The following MSRA variants were observed in gnomAD, a reference collection of about 807,000 sequenced individuals.
The protein encoded by MSRA is mitochondrial peptide methionine sulfoxide reductase.
In MSRA, 54 loss-of-function variants were observed where a neutral mutation model predicts 31.3. The observed-to-expected ratio is 1.73, with a 90% CI of 1.39 to 2.17. The LOEUF is 2.17. Ranked by LOEUF, MSRA falls within the 30% of genes most tolerant of loss-of-function variation. The pLI is 0.00. For synonymous variants in MSRA, 169 were observed against 116.5 expected, an observed-to-expected ratio of 1.45 and a Z score of -2.90; for missense variants, 507 against 300.9, an observed-to-expected ratio of 1.69 and a Z score of -5.07.
intron 2 of MSRA, among the ~76,000 whole-genome samples, chr8:10,225,657 T>C (rs1810935089): frequency 6.6e-6 from 1 of 152,220 alleles, no homozygotes; most frequent in Non-Finnish European, 1.5e-5. Context: ...TTCTTTGGGC[T>C]TTAGCTGTTG....
chr8:10,122,593 G>C (rs765015278), intron 1 of MSRA, among the ~76,000 whole-genome samples: 13 of 151,534 alleles, frequency 8.6e-5, no homozygotes, highest in Non-Finnish European at 1.9e-4. Context: ...GGGTAAACTT[G>C]TGTCACGGGG....
chr8:10,278,625 G>C (rs527774806), intron 3 of MSRA, among the ~76,000 whole-genome samples: 2 of 152,192 alleles, frequency 1.3e-5, no homozygotes, highest in Non-Finnish European at 2.9e-5. Flanking sequence ...ACATTCTTGG[G>C]AGACCTCACC....
intron 1 of MSRA, among the ~76,000 whole-genome samples, chr8:10,148,219 T>A (rs1435453958): frequency 6.6e-6 from 1 of 152,174 alleles, no homozygotes; most frequent in Non-Finnish European, 1.5e-5. Flanking sequence ...TCTTAACTAA[T>A]GTGATCCATT....
At chr8:10,423,032 C>T (rs1027343118) in intron 5 of MSRA, among the ~76,000 whole-genome samples, 1 of 152,210 alleles carries the variant, frequency 6.6e-6, no homozygotes, top group Non-Finnish European at 1.5e-5. Context: ...ATCCCACTGT[C>T]ACGGGTGCAG....
At chr8:10,361,519 G>A (rs1047811912) in intron 5 of MSRA, among the ~76,000 whole-genome samples, 2 of 152,048 alleles carry the variant, frequency 1.3e-5, no homozygotes, top group South Asian at 2.1e-4. Context: ...TACGTCCTGG[G>A]TTTTAGGGGT....
At chr8:10,300,123 TTTG>T (rs1347489023) in intron 3 of MSRA, among the ~76,000 whole-genome samples, 1 of 121,504 alleles carries the variant, frequency 8.2e-6, no homozygotes, top group African/African-American at 3.7e-5. Flanking sequence ...GTGGAAGAAA[TTTG>T]TGTGTGTGTG....
At chr8:10,252,946 C>T (rs755096090) in intron 3 of MSRA, among the ~76,000 whole-genome samples, 3 of 152,128 alleles carry the variant, frequency 2.0e-5, no homozygotes, top group Non-Finnish European at 4.4e-5. Flanking sequence ...CTCATACTCA[C>T]GTAGGTATGA....
In MSRA at chr8:10,163,611, TGCAA is replaced by T. The variant is rs367730893; in HGVS notation, c.143-44220_143-44217del. On this transcript the variant is annotated intron_variant, in intron 1 of 5. Coordinates refer to ENST00000317173, the MANE Select transcript of MSRA (RefSeq NM_012331.5). ...ATAAAGCCAGCACATGTCTGGAAGA[TGCAA>T]GATGAAATGTGAAATCAGTATGGCA... 4.6e-3 allele frequency among the ~76,000 whole-genome samples: 701 copies of T among 152,342 alleles called. 1 individual carries two copies. The highest frequency in any genetic ancestry group is 7.6e-3 in the Non-Finnish European group (517 of 68,036).
chr8:10,086,410 A>G (rs566843670), intron 1 of MSRA, among the ~76,000 whole-genome samples: 3 of 152,314 alleles, frequency 2.0e-5, no homozygotes, highest in African/African-American at 7.2e-5. Context: ...AGCACCGTTA[A>G]GTAGGAAGTT....
At chr8:10,059,925 T>G (rs1379901441) in intron 1 of MSRA, among the ~76,000 whole-genome samples, 1 of 152,230 alleles carries the variant, frequency 6.6e-6, no homozygotes, top group Admixed American at 6.5e-5. Context: ...TTTTTCATGT[T>G]TCAGACTGGC....
At chr8:10,298,759 G>A (rs1800679534) in intron 3 of MSRA, among the ~76,000 whole-genome samples, 1 of 152,158 alleles carries the variant, frequency 6.6e-6, no homozygotes, top group African/African-American at 2.4e-5. Context: ...ATGGTTCTAT[G>A]AAACTTCATC....
At chr8:10,222,553 G>A (rs907883767) in intron 2 of MSRA, among the ~76,000 whole-genome samples, 1 of 152,028 alleles carries the variant, frequency 6.6e-6, no homozygotes, top group African/African-American at 2.4e-5. Context: ...ATACTCTCAC[G>A]TTCATTGAGG....
rs531775251 is a variant in MSRA, at chr8:10,126,479, A to G, written c.142+71821A>G. On this transcript the variant is annotated intron_variant, in intron 1 of 5. Coordinates refer to ENST00000317173, the MANE Select transcript of MSRA (RefSeq NM_012331.5). Reference sequence around the variant, plus strand: ...GATGGTTTCAGGATGCGGCTGTTCCACTTAACATCATCAGGCATTAGTTAG... The same window carrying G: ...GATGGTTTCAGGATGCGGCTGTTCCGCTTAACATCATCAGGCATTAGTTAG... Among the ~76,000 whole-genome samples the G allele has an allele frequency of 3.5e-4, 53 of 152,206 alleles. 1 individual carries two copies. Among genetic ancestry groups the G allele is most frequent in the Non-Finnish European group, 7.1e-4 (48 of 68,006 alleles).
rs566410627 is a variant in MSRA, at chr8:10,180,207, G to A, written c.143-27626G>A. Among the ~76,000 whole-genome samples, 93 of 152,248 alleles carry A rather than the reference G, an allele frequency of 6.1e-4. 1 individual carries two copies. The highest frequency in any genetic ancestry group is 2.1e-3 in the African/African-American group (86 of 41,550). ...CCTCCTTAGGTTTGATAATTTGCTG[G>A]AATGGCTCACAGATCTCAGAATAAC... On this transcript the variant is annotated intron_variant, in intron 1 of 5. Transcript: ENST00000317173.
At chr8:10,156,206 A>C (rs62488739) in intron 1 of MSRA, among the ~76,000 whole-genome samples, 2 of 152,242 alleles carry the variant, frequency 1.3e-5, no homozygotes, top group Non-Finnish European at 2.9e-5. Flanking sequence ...GTCGGATTCC[A>C]TATCGAAACA....
chr8:10,081,629 A>G (rs144734573), intron 1 of MSRA, among the ~76,000 whole-genome samples: 185 of 152,236 alleles, frequency 1.2e-3, no homozygotes, highest in African/African-American at 4.3e-3. Context: ...AGGTGGACTT[A>G]TAGGCGCCCA....
intron 1 of MSRA, among the ~76,000 whole-genome samples, chr8:10,147,077 C>T (rs1448459592): frequency 6.6e-6 from 1 of 152,158 alleles, no homozygotes; most frequent in East Asian, 1.9e-4. Context: ...CAGTGAGAGT[C>T]GAAATCAGGT....
rs528326223 is a variant in MSRA, at chr8:10,363,040, C to A, written c.543+43051C>A. Reference sequence around the variant, plus strand: ...CATAAGAAATGTATTCAGTGACCCTCGCCAGCCTCAGTCACTGGTGTGGTT... The same window carrying A: ...CATAAGAAATGTATTCAGTGACCCTAGCCAGCCTCAGTCACTGGTGTGGTT... On this transcript the variant is annotated intron_variant, in intron 5 of 5. Transcript: ENST00000317173. Among the ~76,000 whole-genome samples the A allele has an allele frequency of 2.6e-5, 4 of 152,336 alleles. No homozygotes were observed. The East Asian group carries it at 7.7e-4, about 29-fold the overall frequency.
chr8:10,386,321 A>C (rs1047457876), intron 5 of MSRA, among the ~76,000 whole-genome samples: 1 of 152,102 alleles, frequency 6.6e-6, no homozygotes, highest in African/African-American at 2.4e-5. Context: ...CACACCAGAT[A>C]ATTTTCTCTG....
Sources: allele counts gnomAD v4.1 joint callset (sites outside exome capture counted in the v4.1 genomes callset), GRCh38; gene constraint gnomAD v4.1.1; transcripts MANE v1.5; gene names NCBI Gene and HGNC (gene_info 2026-07-23, HGNC 2026-07-21).